The following SGCZ variants were observed in gnomAD, a reference collection of about 807,000 sequenced individuals.
The protein encoded by SGCZ is sarcoglycan zeta, also known as zeta-sarcoglycan.
In SGCZ, 40 loss-of-function variants were observed where a neutral mutation model predicts 41.3. That is an observed-to-expected ratio of 0.97 (90% CI 0.75 to 1.26). SGCZ has a LOEUF of 1.26. SGCZ is among the 50% of genes most tolerant of loss of function. The probability of loss-of-function intolerance (pLI) is 0.00; values close to 1 mark genes in which losing one functional copy is unlikely to be tolerated. For synonymous variants in SGCZ, 206 were observed against 137.5 expected (o/e 1.50, Z -3.49); for missense variants, 552 against 369.8 (o/e 1.49, Z -4.04).
intron 1 of SGCZ, among the ~76,000 whole-genome samples, chr8:15,228,992 A>G (rs1369149673): frequency 1.3e-5 from 2 of 152,122 alleles, no homozygotes; most frequent in Admixed American, 6.6e-5. Flanking sequence ...TCAGGAGTTC[A>G]AGACCAGCCT....
intron 4 of SGCZ, among the ~76,000 whole-genome samples, chr8:14,184,954 A>T (rs1410630238): frequency 1.3e-5 from 2 of 152,206 alleles, no homozygotes; most frequent in Non-Finnish European, 2.9e-5. Context: ...TTTTATCATT[A>T]TGTCTCTATC....
chr8:14,824,445 A>G (rs559663130), intron 1 of SGCZ, among the ~76,000 whole-genome samples: 41 of 152,242 alleles, frequency 2.7e-4, no homozygotes, highest in African/African-American at 9.9e-4. Flanking sequence ...TACTGACACT[A>G]AAACCAATAA....
chr8:14,746,753 C>T (rs1799349077), intron 1 of SGCZ, among the ~76,000 whole-genome samples: 1 of 152,116 alleles, frequency 6.6e-6, no homozygotes, highest in East Asian at 1.9e-4. Context: ...TAAAATAGAA[C>T]ATTGGGGTTT....
At chr8:14,095,830 G>C (rs548194793) in intron 7 of SGCZ, among the ~76,000 whole-genome samples, 75 of 152,082 alleles carry the variant, frequency 4.9e-4, no homozygotes, top group Non-Finnish European at 8.7e-4. Flanking sequence ...TCCCTTGTAA[G>C]TTTTATTCCT....
intron 4 of SGCZ, among the ~76,000 whole-genome samples, chr8:14,192,988 G>A (rs958789322): frequency 1.3e-5 from 2 of 151,034 alleles, no homozygotes; most frequent in Non-Finnish European, 1.5e-5. Flanking sequence ...CATATATGCT[G>A]ACAAAGCTTT....
At chr8:14,805,868 A>G (rs1408887610) in intron 1 of SGCZ, among the ~76,000 whole-genome samples, 2 of 151,056 alleles carry the variant, frequency 1.3e-5, no homozygotes, top group East Asian at 2.0e-4. Flanking sequence ...AACAGAAATT[A>G]TAACAAACTA....
intron 1 of SGCZ, among the ~76,000 whole-genome samples, chr8:15,078,738 C>T (rs943758592): frequency 8.5e-4 from 126 of 147,684 alleles, no homozygotes; most frequent in African/African-American, 3.1e-3. Context: ...TATATATATA[C>T]ACACATACAT....
chr8:14,273,246 A>G (rs1051588269), intron 3 of SGCZ, among the ~76,000 whole-genome samples: 1 of 152,178 alleles, frequency 6.6e-6, no homozygotes. Context: ...TAGCCTCTTT[A>G]TAGCTTAGTC....
At chr8:14,525,292 G>T (rs573023798) in intron 2 of SGCZ, among the ~76,000 whole-genome samples, 1 of 151,982 alleles carries the variant, frequency 6.6e-6, no homozygotes, top group African/African-American at 2.4e-5. Context: ...ACTTTCCTTT[G>T]CTCCCTGCTC....
chr8:14,371,624 T>G (rs993236398), intron 2 of SGCZ, among the ~76,000 whole-genome samples: 1 of 152,098 alleles, frequency 6.6e-6, no homozygotes, highest in African/African-American at 2.4e-5. Flanking sequence ...TCTGAGAGTC[T>G]ACTCATTCTG....
chr8:14,581,765 G>A (rs994647398), intron 1 of SGCZ, among the ~76,000 whole-genome samples: 4 of 151,960 alleles, frequency 2.6e-5, no homozygotes, highest in African/African-American at 9.7e-5. Context: ...TAGTGATAAG[G>A]GAAATGTATC....
intron 2 of SGCZ, among the ~76,000 whole-genome samples, chr8:14,334,142 C>A (rs761978693): frequency 1.3e-5 from 2 of 152,012 alleles, no homozygotes; most frequent in Non-Finnish European, 2.9e-5. Flanking sequence ...CATTTCTAGA[C>A]CCTTAAGTTA....
chr8:14,357,681 A>G (rs553968657), intron 2 of SGCZ, among the ~76,000 whole-genome samples: 1 of 152,310 alleles, frequency 6.6e-6, no homozygotes, highest in East Asian at 1.9e-4. Flanking sequence ...TTAGGGGCCA[A>G]ACACTTTATA....
At chr8:14,507,764 TTTTG>T (rs1563374496) in intron 2 of SGCZ, among the ~76,000 whole-genome samples, 2 of 66,480 alleles carry the variant, frequency 3.0e-5, no homozygotes, top group African/African-American at 1.6e-4. Flanking sequence ...TTGTTTGTTT[TTTTG>T]TTTTTGTTTT....
chr8:14,580,723 C>T (rs1804860169), intron 1 of SGCZ, among the ~76,000 whole-genome samples: 1 of 152,106 alleles, frequency 6.6e-6, no homozygotes, highest in African/African-American at 2.4e-5. Flanking sequence ...CATTCATGTA[C>T]AAAGAAATGC....
rs375074706 is a variant in SGCZ at position 14,262,320 on chromosome 8, T to G, written c.337-24641A>C. Among the ~76,000 whole-genome samples, 7 of 152,178 alleles carry G rather than the reference T, an allele frequency of 4.6e-5. No homozygotes were observed. In the East Asian group the frequency reaches 1.3e-3, roughly 29 times the overall value. On this transcript the variant is annotated intron_variant, in intron 3 of 7. Transcript: ENST00000382080. ...TTGCTTCACAATCATTTCAGTTGCCTTACGTTGTTTAAATAATTCTGTACA... is the reference window on the plus strand; with the variant it reads ...TTGCTTCACAATCATTTCAGTTGCCGTACGTTGTTTAAATAATTCTGTACA...
At chr8:14,900,022 G>T (rs754322622) in intron 1 of SGCZ, among the ~76,000 whole-genome samples, 1 of 152,070 alleles carries the variant, frequency 6.6e-6, no homozygotes, top group Non-Finnish European at 1.5e-5. Flanking sequence ...AGACCTTTCA[G>T]TGAACCAGAT....
chr8:14,099,187 G>A (rs1204498630), intron 7 of SGCZ, among the ~76,000 whole-genome samples: 1 of 152,170 alleles, frequency 6.6e-6, no homozygotes, highest in Non-Finnish European at 1.5e-5. Flanking sequence ...GTGCAGCATG[G>A]ATGAACTTGA....
chr8:14,407,621 A>G (rs6991871), intron 2 of SGCZ, among the ~76,000 whole-genome samples: 20,415 of 152,170 alleles, frequency 0.13, 2,993 homozygotes, highest in African/African-American at 0.36. Flanking sequence ...AATATAATTC[A>G]TAACTGTTGT....
Sources: allele counts gnomAD v4.1 joint callset (sites outside exome capture counted in the v4.1 genomes callset), GRCh38; gene constraint gnomAD v4.1.1; transcripts MANE v1.5; gene names NCBI Gene and HGNC (gene_info 2026-07-23, HGNC 2026-07-21).